The following TTYH3 variants were observed in gnomAD, a reference collection of about 807,000 sequenced individuals.
TTYH3 encodes the protein tweety family member 3.
In TTYH3, 23 loss-of-function variants were observed where a neutral mutation model predicts 68.2. That is an observed-to-expected ratio of 0.34 (90% CI 0.24 to 0.48). The LOEUF (loss-of-function observed/expected upper bound fraction) is 0.48. Among genes scored for constraint, TTYH3 ranks in the 20% least tolerant of loss-of-function variants. TTYH3 has a pLI of 0.99. For synonymous variants in TTYH3, 360 were observed against 332.8 expected, an observed-to-expected ratio of 1.08 and a Z score of -0.89; for missense variants, 768 against 727.7, an observed-to-expected ratio of 1.06 and a Z score of -0.64.
In TTYH3 at chr7:2,652,861, A is replaced by G. The variant is rs1786225707; in HGVS notation, c.928-57A>G. 2.7e-5 allele frequency: 38 copies of G among 1,426,374 alleles called. 1 individual carries two copies. The highest frequency in any genetic ancestry group is 3.5e-5 in the Non-Finnish European group (36 of 1,035,642). 88.4% of individuals were successfully genotyped at this position (1,426,374 alleles called of 1,614,324 possible). A position where few individuals can be genotyped will look rare whatever the true frequency, so the allele number is the denominator to read the frequency against. On this transcript the variant is annotated intron_variant, in intron 8 of 13. Transcript: ENST00000258796. ...GTCCCCGCGTTGGAGGGTCCTGGGG[A>G]GGGAGAGGCGGGCGGACCCAGCAGC...
At chr7:2,651,503 G>A (rs1163000879) in intron 7 of TTYH3, among the ~76,000 whole-genome samples, 1 of 152,144 alleles carries the variant, frequency 6.6e-6, no homozygotes, top group Admixed American at 6.5e-5. Flanking sequence ...TATCATCCTG[G>A]TCCCTCCAGG....
Position 2,664,399 on chromosome 7 carries a change from C to T in TTYH3, c.*2660C>T, listed in dbSNP as rs1215829486. The T allele has an allele frequency of 2.0e-5, 3 of 152,574 alleles. No homozygotes were observed. In the East Asian group the frequency reaches 5.6e-4, roughly 29 times the overall value. The allele number at this position is 152,574 out of a possible 1,614,324, so 9.5% of individuals were successfully genotyped here. On this transcript the variant is annotated 3_prime_UTR_variant, in exon 14 of 14. Transcript: ENST00000258796. ...CAAGGGGGCAGGCGGGGGACCAGGGCCTCTCCTGTGGGATCTTTGTTTTGT... is the reference window on the plus strand; with the variant it reads ...CAAGGGGGCAGGCGGGGGACCAGGGTCTCTCCTGTGGGATCTTTGTTTTGT...
Position 2,632,295 on chromosome 7 carries a change from G to A in TTYH3, c.123+17G>A, listed in dbSNP as rs1785542998. 2.6e-6 allele frequency: 4 copies of A among 1,552,334 alleles called. No homozygotes were observed. The highest frequency in any genetic ancestry group is 1.9e-5 in the Admixed American group (1 of 53,258). On this transcript the variant is annotated intron_variant, in intron 1 of 13. Transcript: ENST00000258796. ...TACCAGCAGGTGACATGGGCCTCTC[G>A]GGGTCGCGGGGTCAGGGACCCCAGG...
intron 13 of TTYH3, among the ~76,000 whole-genome samples, chr7:2,661,181 G>A (rs1006130945): frequency 2.6e-5 from 4 of 152,328 alleles, no homozygotes; most frequent in African/African-American, 7.2e-5. Context: ...TGGGGCCTCC[G>A]TACTCCTGCA....
intron 1 of TTYH3, among the ~76,000 whole-genome samples, chr7:2,636,470 G>A (rs892340197): frequency 3.3e-5 from 5 of 152,120 alleles, no homozygotes; most frequent in East Asian, 3.9e-4. Flanking sequence ...ACTTTGGACC[G>A]TGTTCCAGAT....
Position 2,653,030 on chromosome 7 carries a change from G to A in TTYH3, c.1020+20G>A. On this transcript the variant is annotated intron_variant, in intron 9 of 13. Transcript: ENST00000258796. Reference sequence around the variant, plus strand: ...ACTAAGGTGAGGGGCTGCGGGGTAGGCACTGGGGCAGGCAGGGCTCCTCTT... The same window carrying A: ...ACTAAGGTGAGGGGCTGCGGGGTAGACACTGGGGCAGGCAGGGCTCCTCTT... 3 of 1,552,202 alleles carry A rather than the reference G, an allele frequency of 1.9e-6. No individual in the cohort carries two copies. The highest frequency in any genetic ancestry group is 2.6e-6 in the Non-Finnish European group (3 of 1,144,486).
intron 11 of TTYH3, among the ~76,000 whole-genome samples, chr7:2,657,912 CA>C (rs1786381830): frequency 6.6e-6 from 1 of 152,204 alleles, no homozygotes; most frequent in East Asian, 1.9e-4. Context: ...CCCAAGGGTG[CA>C]GTTGGATCCT....
intron 1 of TTYH3, among the ~76,000 whole-genome samples, chr7:2,644,201 GTC>G (rs1785925160): frequency 6.6e-6 from 1 of 152,174 alleles, no homozygotes; most frequent in Non-Finnish European, 1.5e-5. Context: ...GCCCCTACAG[GTC>G]TGTTCTGCCG....
At chr7:2,637,294 C>T (rs559031354) in intron 1 of TTYH3, among the ~76,000 whole-genome samples, 412 of 152,268 alleles carry the variant, frequency 2.7e-3, no homozygotes, top group African/African-American at 9.3e-3. Context: ...TCTGGGGGAG[C>T]GGGGAGCCCT....
At chr7:2,649,136 G>A (rs753476671) in intron 5 of TTYH3, among the ~76,000 whole-genome samples, 6 of 152,100 alleles carry the variant, frequency 3.9e-5, no homozygotes, top group Admixed American at 1.3e-4. Context: ...GGCCAGTGCC[G>A]TAGCAAGAGC....
In TTYH3 at chr7:2,647,270, T is replaced by C. The variant is rs1290345758; in HGVS notation, c.405+17T>C. On this transcript the variant is annotated intron_variant, in intron 3 of 13. Transcript: ENST00000258796. ...CAGGACCGCGTGAGTGGCCGCGGAGTTGGGGCCAGGAGCACTCTTGCTGCT... is the reference window on the plus strand; with the variant it reads ...CAGGACCGCGTGAGTGGCCGCGGAGCTGGGGCCAGGAGCACTCTTGCTGCT... 3 of 1,564,488 alleles carry C rather than the reference T, an allele frequency of 1.9e-6. No individual in the cohort carries two copies. The highest frequency in any genetic ancestry group is 2.6e-6 in the Non-Finnish European group (3 of 1,160,552).
intron 8 of TTYH3, 66 bp downstream of exon 8, chr7:2,652,308 G>A: frequency 7.1e-7 from 1 of 1,412,394 alleles, no homozygotes; most frequent in South Asian, 1.2e-5. Context: ...TGTGTGGAGG[G>A]GCCCAGCAGG....
chr7:2,656,719 T>A (rs763574360), intron 11 of TTYH3, among the ~76,000 whole-genome samples, 185 bp downstream of exon 11: 1 of 152,146 alleles, frequency 6.6e-6, no homozygotes, highest in Non-Finnish European at 1.5e-5. Context: ...CAGGTGAGCA[T>A]CATCATTTCA....
At chr7:2,658,106 C>T in intron 11 of TTYH3, among the ~76,000 whole-genome samples, 180 bp from the exon 12 acceptor site, 1 of 152,368 alleles carries the variant, frequency 6.6e-6, no homozygotes, top group African/African-American at 2.4e-5. Flanking sequence ...CCCCACCTCG[C>T]AAGGGCAGGG....
chr7:2,649,135 C>T (rs1047006046), intron 5 of TTYH3, among the ~76,000 whole-genome samples: 2 of 152,010 alleles, frequency 1.3e-5, no homozygotes, highest in African/African-American at 4.8e-5. Flanking sequence ...AGGCCAGTGC[C>T]GTAGCAAGAG....
Position 2,653,015 on chromosome 7 carries a change from G to A in TTYH3, c.1020+5G>A, listed in dbSNP as rs1266283080. 6.4e-7 allele frequency: 1 copy of A among 1,563,058 alleles called. No homozygotes were observed. Among genetic ancestry groups the A allele is most frequent in the South Asian group, 1.2e-5 (1 of 84,962 alleles). On this transcript the variant is annotated splice_donor_5th_base_variant and intron_variant, in intron 9 of 13. Transcript: ENST00000258796. ...TGGGAGCAGCCGGCCACTAAGGTGA[G>A]GGGCTGCGGGGTAGGCACTGGGGCA...
intron 1 of TTYH3, among the ~76,000 whole-genome samples, chr7:2,638,368 C>T (rs1232118204): frequency 2.1e-5 from 3 of 144,506 alleles, no homozygotes; most frequent in Non-Finnish European, 4.6e-5. Context: ...GGAGGGCGGG[C>T]GTGGGCAGCG....
intron 3 of TTYH3, 49 bp downstream of exon 3, chr7:2,647,302 C>G (rs1178635256): frequency 6.5e-7 from 1 of 1,533,862 alleles, no homozygotes; most frequent in African/African-American, 1.4e-5. Context: ...TGCTCCGGAG[C>G]CCCACGTCTG....
intron 7 of TTYH3, among the ~76,000 whole-genome samples, chr7:2,650,221 C>T (rs941957784): frequency 1.2e-4 from 18 of 152,248 alleles, no homozygotes; most frequent in South Asian, 4.1e-4. Flanking sequence ...GCAGGGGGAG[C>T]GGCAGGTGAC....
Sources: allele counts gnomAD v4.1 joint callset (sites outside exome capture counted in the v4.1 genomes callset), GRCh38; gene constraint gnomAD v4.1.1; transcripts MANE v1.5; gene names NCBI Gene and HGNC (gene_info 2026-07-23, HGNC 2026-07-21).